The following FKBP6 variants were observed in gnomAD, a reference collection of about 807,000 sequenced individuals.
FKBP6 encodes inactive peptidyl-prolyl cis-trans isomerase FKBP6.
In FKBP6, 29 loss-of-function variants were observed where a neutral mutation model predicts 41.7. That is an observed-to-expected ratio of 0.70 (90% CI 0.52 to 0.95). The LOEUF (loss-of-function observed/expected upper bound fraction) is 0.95, where lower values mean the gene tolerates loss of function less well. Among genes scored for constraint, FKBP6 ranks in the 40% least tolerant of loss-of-function variants. The pLI is 0.00. For synonymous variants in FKBP6, 130 were observed against 165.1 expected, an observed-to-expected ratio of 0.79 and a Z score of 1.63; for missense variants, 338 against 408.7, an observed-to-expected ratio of 0.83 and a Z score of 1.49.
At chr7:73,353,745 T>C (rs1554551462) in intron 8 of FKBP6, among the ~76,000 whole-genome samples, 1 of 152,174 alleles carries the variant, frequency 6.6e-6, no homozygotes, top group Non-Finnish European at 1.5e-5. Flanking sequence ...TTCTTTTTTT[T>C]TTTTTTGAGG....
chr7:73,342,945 C>T (rs375369823), intron 8 of FKBP6, 46 bp downstream of exon 8: 49 of 1,278,752 alleles, frequency 3.8e-5, no homozygotes, highest in African/African-American at 5.8e-5. Context: ...GATGGAGAAG[C>T]GTGCTGCTCT....
In FKBP6 at chr7:73,331,559, G is replaced by GCTGGTCTCGAACTC. The variant is rs1436868750; in HGVS notation, c.469-93_469-80dup. 1.4e-5 allele frequency: 17 copies of GCTGGTCTCGAACTC among 1,192,738 alleles called. No homozygotes were observed. In the African/African-American group the frequency reaches 1.8e-4, roughly 13 times the overall value. 73.9% of individuals were successfully genotyped at this position (1,192,738 alleles called of 1,614,324 possible). On this transcript the variant is annotated intron_variant, in intron 4 of 8. Transcript: ENST00000252037. ...GACATGTTCTCACTATGTTGCCCAG[G>GCTGGTCTCGAACTC]CTGGTCTCGAACTCCTGGGCTCACG...
intron 2 of FKBP6, among the ~76,000 whole-genome samples, chr7:73,328,908 G>C (rs1347155384): frequency 2.0e-5 from 3 of 152,088 alleles, no homozygotes; most frequent in African/African-American, 4.8e-5. Context: ...TCCTGGGCTC[G>C]TGATTCTCCT....
intron 8 of FKBP6, among the ~76,000 whole-genome samples, chr7:73,350,719 C>T (rs781894014): frequency 1.8e-4 from 27 of 152,024 alleles, no homozygotes; most frequent in Non-Finnish European, 2.9e-4. Context: ...TCTGGTTGGT[C>T]GAGATTCTGG....
chr7:73,343,014 AGTT>A (rs1210139661), intron 8 of FKBP6, 115 bp downstream of exon 8: 10 of 774,102 alleles, frequency 1.3e-5, no homozygotes, highest in Non-Finnish European at 2.1e-5. Flanking sequence ...GGGGTAGACA[AGTT>A]CCTTGCTGTA....
At chr7:73,338,518 G>C (rs1264575202) in intron 5 of FKBP6, among the ~76,000 whole-genome samples, 1 of 152,212 alleles carries the variant, frequency 6.6e-6, no homozygotes, top group Admixed American at 6.5e-5. Flanking sequence ...TTGCTGGATT[G>C]TGTGGGAACT....
At chr7:73,340,267 G>A (rs1256871352) in intron 5 of FKBP6, among the ~76,000 whole-genome samples, 5 of 151,668 alleles carry the variant, frequency 3.3e-5, no homozygotes, top group African/African-American at 7.3e-5. Flanking sequence ...GGTGGCTCAC[G>A]CCTGTAATCC....
intron 5 of FKBP6, among the ~76,000 whole-genome samples, chr7:73,336,343 A>G (rs1178970): frequency 0.12 from 18,987 of 152,238 alleles, 1,479 homozygotes; most frequent in East Asian, 0.28. Context: ...ATTCCTAGTC[A>G]GAAACATAGG....
chr7:73,345,511 G>T (rs2115925727), intron 8 of FKBP6, among the ~76,000 whole-genome samples: 1 of 152,306 alleles, frequency 6.6e-6, no homozygotes, highest in Non-Finnish European at 1.5e-5. Context: ...ACTCCGGCCT[G>T]GTTGGGGGTA....
At chr7:73,339,290 T>C (rs1276385642) in intron 5 of FKBP6, 11 of 152,224 alleles carry the variant, frequency 7.2e-5, no homozygotes, top group Non-Finnish European at 1.3e-4. Context: ...TTCTTTTGCA[T>C]GTTGATAGTC....
chr7:73,348,541 C>A (rs1176493026), intron 8 of FKBP6, among the ~76,000 whole-genome samples: 2 of 152,214 alleles, frequency 1.3e-5, no homozygotes, highest in Non-Finnish European at 2.9e-5. Context: ...CCCACACCAA[C>A]CAATTCTGAA....
At chr7:73,356,197 C>T (rs1394302393) in intron 8 of FKBP6, among the ~76,000 whole-genome samples, 2 of 151,302 alleles carry the variant, frequency 1.3e-5, no homozygotes, top group African/African-American at 2.4e-5. Context: ...AAGAGAACTA[C>T]GTCGTTTTTA....
intron 4 of FKBP6, 91 bp downstream of exon 4, chr7:73,330,443 T>C (rs1413906742): frequency 2.0e-6 from 2 of 1,001,546 alleles, no homozygotes; most frequent in South Asian, 1.3e-5. Flanking sequence ...GCCCTGAGGC[T>C]GATCGTCCTC....
intron 8 of FKBP6, among the ~76,000 whole-genome samples, chr7:73,349,572 G>A (rs1407502013): frequency 6.7e-6 from 1 of 148,222 alleles, no homozygotes; most frequent in Non-Finnish European, 1.5e-5. Context: ...AAAAAATACA[G>A]GCGTGGTGGC....
intron 8 of FKBP6, among the ~76,000 whole-genome samples, chr7:73,345,289 A>C (rs1554550152): frequency 6.8e-6 from 1 of 146,986 alleles, no homozygotes; most frequent in Admixed American, 6.9e-5. Flanking sequence ...GTTGAGGAGG[A>C]GTTTGGCAGT....
intron 5 of FKBP6, among the ~76,000 whole-genome samples, chr7:73,332,245 A>G (rs1041547506): frequency 6.6e-6 from 1 of 152,104 alleles, no homozygotes; most frequent in Non-Finnish European, 1.5e-5. Context: ...TCCTCATGCC[A>G]GGCCAAGGCA....
At chr7:73,332,810 C>T (rs1440870974) in intron 5 of FKBP6, among the ~76,000 whole-genome samples, 1 of 152,188 alleles carries the variant, frequency 6.6e-6, no homozygotes, top group Non-Finnish European at 1.5e-5. Flanking sequence ...CCTCCACCAA[C>T]CGATTTCTCC....
At chr7:73,354,661 G>C (rs942364330) in intron 8 of FKBP6, among the ~76,000 whole-genome samples, 11 of 152,220 alleles carry the variant, frequency 7.2e-5, no homozygotes, top group African/African-American at 2.7e-4. Flanking sequence ...CCAGTTGAAT[G>C]GTTTCAGGAA....
chr7:73,352,259 C>T (rs1387049985), intron 8 of FKBP6, among the ~76,000 whole-genome samples: 2 of 152,222 alleles, frequency 1.3e-5, no homozygotes, highest in Non-Finnish European at 2.9e-5. Flanking sequence ...CCACCGCGCC[C>T]AGCCATGGAG....
Sources: gnomAD v4.1 joint callset for allele counts (sites outside exome capture counted in the v4.1 genomes callset) on GRCh38, gnomAD v4.1.1 for gene constraint, MANE v1.5 for transcripts, NCBI Gene and HGNC (gene_info 2026-07-23, HGNC 2026-07-21) for gene names.